Variants in CFAP74 observed in about 807,000 individuals in gnomAD.
CFAP74 encodes cilia- and flagella-associated protein 74.
A neutral mutation model predicts 188.9 loss-of-function variants in CFAP74; 124 were observed. The observed-to-expected ratio is 0.66, with a 90% CI of 0.57 to 0.76. CFAP74 has a LOEUF of 0.76. Ranked by LOEUF, CFAP74 falls within the 30% of genes least tolerant of loss-of-function variation. The pLI, the probability that CFAP74 is intolerant of heterozygous loss-of-function variation, is 0.00. For synonymous variants in CFAP74, 956 were observed against 916.7 expected, an observed-to-expected ratio of 1.04 and a Z score of -0.77; for missense variants, 2,198 against 2,165.2, an observed-to-expected ratio of 1.02 and a Z score of -0.30.
At chr1:1,948,914 CCCTT>C (rs1653980368) in intron 18 of CFAP74, among the ~76,000 whole-genome samples, 3 of 128,998 alleles carry the variant, frequency 2.3e-5, no homozygotes, top group African/African-American at 5.8e-5. Context: ...TTCCTTCCTT[CCCTT>C]TCCTTCCTTC....
rs754839744 is a variant in CFAP74 at position 1,985,368 on chromosome 1, G to A, written c.500+18C>T. On this transcript the variant is annotated intron_variant, in intron 6 of 38. Coordinates refer to ENST00000682832, the MANE Select transcript of CFAP74 (RefSeq NM_001304360.2). Reference sequence around the variant, plus strand: ...CTGGGGCCTGCCTGCTGCCAGTCCCGGCTGCACACCGACTCACTCGCTCTC... The same window carrying A: ...CTGGGGCCTGCCTGCTGCCAGTCCCAGCTGCACACCGACTCACTCGCTCTC... 6.2e-6 allele frequency: 10 copies of A among 1,606,316 alleles called. No homozygotes were observed. The East Asian group carries it at 6.7e-5, about 11-fold the overall frequency.
chr1:1,987,993 G>A, intron 4 of CFAP74: 1 of 395,654 alleles, frequency 2.5e-6, no homozygotes, highest in Middle Eastern at 3.6e-4. Context: ...TTTAGAGACA[G>A]GGTCTTGCTC....
At chr1:1,965,123 C>A in intron 12 of CFAP74, 62 bp from the exon 13 acceptor site, 2 of 1,514,552 alleles carry the variant, frequency 1.3e-6, no homozygotes, top group Non-Finnish European at 9.0e-7. Context: ...GCGCCGGTGG[C>A]AGCTCGGAGG....
chr1:1,956,051 C>G (rs1442883972), intron 17 of CFAP74, among the ~76,000 whole-genome samples: 2 of 152,220 alleles, frequency 1.3e-5, no homozygotes, highest in African/African-American at 4.8e-5. Context: ...CCCAGAGACT[C>G]AGAGTCACCC....
intron 4 of CFAP74, chr1:1,987,830 G>A (rs557014428): frequency 1.3e-4 from 42 of 325,614 alleles, no homozygotes; most frequent in East Asian, 1.3e-3. Flanking sequence ...GTGAGCCACC[G>A]CGCCCGGCCA....
chr1:1,960,849 G>A (rs1270353204), intron 14 of CFAP74, among the ~76,000 whole-genome samples: 2 of 152,204 alleles, frequency 1.3e-5, no homozygotes, highest in African/African-American at 4.8e-5. Context: ...ACATAAACCA[G>A]CAGCAGAGTG....
At chr1:1,966,914 G>A (rs1231316845) in intron 11 of CFAP74, among the ~76,000 whole-genome samples, 1 of 149,482 alleles carries the variant, frequency 6.7e-6, no homozygotes, top group East Asian at 2.0e-4. Flanking sequence ...TCAGCTCACT[G>A]CAACTTCTAT....
intron 22 of CFAP74, 147 bp downstream of exon 22, chr1:1,941,881 C>A (rs898791603): frequency 4.9e-6 from 4 of 816,700 alleles, no homozygotes; most frequent in Non-Finnish European, 6.7e-6. Context: ...TGCCCCCCAG[C>A]GTCATGGCCT....
At chr1:1,989,649 G>T (rs1214015826) in intron 2 of CFAP74, among the ~76,000 whole-genome samples, 2 of 152,160 alleles carry the variant, frequency 1.3e-5, no homozygotes, top group Non-Finnish European at 1.5e-5. Context: ...TTAGTAGAGA[G>T]AGGGTTTCCC....
intron 9 of CFAP74, 107 bp downstream of exon 9, chr1:1,971,873 G>T: frequency 1.2e-6 from 1 of 854,522 alleles, no homozygotes; most frequent in East Asian, 2.5e-5. Context: ...GCGCGGGTCA[G>T]CCCTGGACGC....
chr1:1,950,568 G>T (rs1192539920), intron 18 of CFAP74, among the ~76,000 whole-genome samples: 1 of 152,104 alleles, frequency 6.6e-6, no homozygotes, highest in East Asian at 1.9e-4. Flanking sequence ...TCAAACTCCT[G>T]ACCTCAGGTG....
chr1:1,972,596 G>A lies in CFAP74; in HGVS notation c.785+341C>T, dbSNP rs535189982. The stretch of plus-strand genomic sequence containing the variant: ...TGCAGTGGCTCACGCCTGTAATCCC[G>A]GCACTTTGGGAGGCTGAGGCGGGCA... On this transcript the variant is annotated intron_variant, in intron 8 of 38. Coordinates refer to ENST00000682832, the MANE Select transcript of CFAP74 (RefSeq NM_001304360.2). Among the ~76,000 whole-genome samples, 631 of 152,290 alleles carry A rather than the reference G, an allele frequency of 4.1e-3. 4 individuals are homozygous for A. The highest frequency in any genetic ancestry group is 4.9e-3 in the Non-Finnish European group (333 of 68,006).
intron 18 of CFAP74, among the ~76,000 whole-genome samples, chr1:1,952,589 A>G (rs1654271042): frequency 7.4e-6 from 1 of 134,426 alleles, no homozygotes; most frequent in South Asian, 2.4e-4. Flanking sequence ...AGAAGCAAAG[A>G]AAAAGAAAGA....
At chr1:1,963,456 CAAAAAAAAAAA>C (rs772909618) in intron 14 of CFAP74, among the ~76,000 whole-genome samples, 2 of 32,880 alleles carry the variant, frequency 6.1e-5, no homozygotes, top group East Asian at 1.8e-3. Flanking sequence ...GACTCCATCT[CAAAAAAAAAAA>C]AAAAAAAAAA....
At chr1:1,947,836 T>C (rs1653875453) in intron 18 of CFAP74, among the ~76,000 whole-genome samples, 1 of 151,980 alleles carries the variant, frequency 6.6e-6, no homozygotes, top group Non-Finnish European at 1.5e-5. Flanking sequence ...GCACATCATT[T>C]CTGGGGTCTG....
At chr1:1,925,482 T>G (rs1225785045) in intron 33 of CFAP74, among the ~76,000 whole-genome samples, 52 of 67,834 alleles carry the variant, frequency 7.7e-4, no homozygotes, top group South Asian at 1.6e-3. Context: ...GGGCAGGGGG[T>G]GGGTGGTGGG....
chr1:1,993,582 G>A (rs75501308), intron 1 of CFAP74, among the ~76,000 whole-genome samples: 1 of 151,264 alleles, frequency 6.6e-6, no homozygotes. Context: ...CACCGTGCCC[G>A]GCCGGTGGCT....
chr1:1,965,147 T>G, intron 12 of CFAP74, 86 bp from the exon 13 acceptor site: 332 of 1,344,536 alleles, frequency 2.5e-4, no homozygotes, highest in Non-Finnish European at 3.1e-4. Flanking sequence ...GGGTAGCGGT[T>G]AGCAGAGCAC....
intron 2 of CFAP74, among the ~76,000 whole-genome samples, 186 bp from the exon 3 acceptor site, chr1:1,989,159 TGAGA>T (rs139069192): frequency 9.3e-5 from 14 of 150,222 alleles, no homozygotes; most frequent in African/African-American, 2.2e-4. Flanking sequence ...GCTGGCGCCT[TGAGA>T]GAGAGAGAGA....
Sources: gnomAD v4.1 joint callset for allele counts (sites outside exome capture counted in the v4.1 genomes callset) on GRCh38, gnomAD v4.1.1 for gene constraint, MANE v1.5 for transcripts, NCBI Gene and HGNC (gene_info 2026-07-23, HGNC 2026-07-21) for gene names.